The following WFS1 variants were observed in gnomAD, a reference collection of about 807,000 sequenced individuals.
WFS1 encodes wolframin ER transmembrane glycoprotein, also known as wolframin.
In WFS1, 90 loss-of-function variants were observed where a neutral mutation model predicts 68.5. That is an observed-to-expected ratio of 1.31 (90% CI 1.11 to 1.56). WFS1 has a LOEUF of 1.56. WFS1 is among the 40% of genes most tolerant of loss of function. WFS1 has a pLI of 0.00. For synonymous variants in WFS1, 860 were observed against 540.7 expected (o/e 1.59, Z -8.19); for missense variants, 1,767 against 1,232.6 (o/e 1.43, Z -6.49).
intron 1 of WFS1, among the ~76,000 whole-genome samples, chr4:6,271,544 C>A (rs2109104147): frequency 6.6e-6 from 1 of 152,244 alleles, no homozygotes; most frequent in East Asian, 1.9e-4. Flanking sequence ...GAGCTTTATG[C>A]CTACACGGCT....
intron 1 of WFS1, among the ~76,000 whole-genome samples, chr4:6,272,727 C>G (rs1186359039): frequency 6.6e-6 from 1 of 152,204 alleles, no homozygotes; most frequent in Non-Finnish European, 1.5e-5. Flanking sequence ...CCAGAGACAA[C>G]AAGTATCTTT....
chr4:6,278,048 A>C (rs900020812), intron 2 of WFS1, among the ~76,000 whole-genome samples: 12 of 152,338 alleles, frequency 7.9e-5, no homozygotes, highest in Middle Eastern at 6.8e-3. Flanking sequence ...GGTGACAGCC[A>C]CACTCTCGGG....
At chr4:6,276,989 G>C (rs925424877) in intron 1 of WFS1, among the ~76,000 whole-genome samples, 1 of 152,240 alleles carries the variant, frequency 6.6e-6, no homozygotes, top group African/African-American at 2.4e-5. Flanking sequence ...CTCATTTCAA[G>C]ATCCTTAAAT....
intron 1 of WFS1, among the ~76,000 whole-genome samples, chr4:6,273,619 T>A (rs1314307256): frequency 6.6e-6 from 1 of 152,196 alleles, no homozygotes; most frequent in Non-Finnish European, 1.5e-5. Flanking sequence ...AGGCAGCCGG[T>A]CTTCCGAGTG....
At position 6,283,548 on chromosome 4, in the gene WFS1, A is replaced by G. The variant is rs1730223249; in HGVS notation, c.233-3545A>G. On this transcript the variant is annotated intron_variant, in intron 2 of 7. Transcript: ENST00000226760. The surrounding 1 kb of genome is among the most constrained non-coding windows in gnomAD (Gnocchi z 5.0). ...TGCTTTCCTGTGCTGCCTGTGTCTC[A>G]GGGGCTCTGCCCACAGGGTGACCTT... Among the ~76,000 whole-genome samples, 1 of 152,178 alleles carries G rather than the reference A, an allele frequency of 6.6e-6. No homozygotes were observed. The highest frequency in any genetic ancestry group is 2.1e-4 in the South Asian group (1 of 4,824).
chr4:6,274,826 A>G (rs996704401), intron 1 of WFS1, among the ~76,000 whole-genome samples: 4 of 52,762 alleles, frequency 7.6e-5, no homozygotes, highest in African/African-American at 1.9e-4. Context: ...GAGAGGGTGC[A>G]GTGGCATGGC....
intron 7 of WFS1, 44 bp from the exon 8 acceptor site, chr4:6,300,613 G>C (rs779743100): frequency 2.5e-6 from 4 of 1,612,932 alleles, no homozygotes; most frequent in Non-Finnish European, 3.4e-6. Context: ...GGAGCAGTGG[G>C]GGTCCTGTCC....
intron 1 of WFS1, among the ~76,000 whole-genome samples, chr4:6,270,260 C>T (rs565992751): frequency 7.1e-4 from 107 of 151,630 alleles, no homozygotes; most frequent in African/African-American, 2.5e-3. Flanking sequence ...GCCCCGGTCC[C>T]CCGCGCGCTG....
rs370243565 is a variant in WFS1 at position 6,301,124 on chromosome 4, C to T, written c.1329C>T (p.Ser443=). The T allele has an allele frequency of 2.5e-6, 4 of 1,613,490 alleles. No individual in the cohort carries two copies. The highest frequency in any genetic ancestry group is 1.3e-5 in the African/African-American group (1 of 74,930). Residue 443 remains serine (S), a synonymous_variant, in exon 8 of 8, where the codon AGC becomes AGT. Coordinates refer to ENST00000226760, the MANE Select transcript of WFS1 (RefSeq NM_006005.3). ...AVITGFFTVT[S]YLSLSTHAEP... is the part of the protein sequence containing the mutation. Reference sequence around the variant, plus strand: ...TCACCGGCTTCTTTACCGTGACCAGCTACCTGAGCCTGAGCACCCATGCAG... The same window carrying T: ...TCACCGGCTTCTTTACCGTGACCAGTTACCTGAGCCTGAGCACCCATGCAG...
intron 2 of WFS1, among the ~76,000 whole-genome samples, chr4:6,280,345 G>A (rs1459715650): frequency 2.0e-5 from 3 of 152,244 alleles, no homozygotes; most frequent in Non-Finnish European, 1.5e-5. Context: ...ACAGGCAGCT[G>A]TGGTGAGTCC....
chr4:6,273,350 G>T lies in WFS1; in HGVS notation c.-6+3336G>T, dbSNP rs373752433. Reference sequence around the variant, plus strand: ...TGAGGAAAGAATGCTAGCAACTTTGGTTTTGTGGATCTTACACAGTGACGG... The same window carrying T: ...TGAGGAAAGAATGCTAGCAACTTTGTTTTTGTGGATCTTACACAGTGACGG... On this transcript the variant is annotated intron_variant, in intron 1 of 7. Transcript: ENST00000226760. Among the ~76,000 whole-genome samples, 199 of 152,370 alleles carry T rather than the reference G, an allele frequency of 1.3e-3. 6 individuals carry two copies. The South Asian group carries it at 0.038, about 29-fold the overall frequency.
chr4:6,299,868 G>T (rs1453042516), intron 7 of WFS1, among the ~76,000 whole-genome samples: 1 of 127,210 alleles, frequency 7.9e-6, no homozygotes, highest in Non-Finnish European at 1.6e-5. Context: ...CGTGTGTGTA[G>T]GGGTGGGCTG....
In WFS1 at chr4:6,302,318, G is replaced by A; in HGVS notation, c.2523G>A (p.Glu841=). 1 of 1,611,986 alleles carries A rather than the reference G, an allele frequency of 6.2e-7. No homozygotes were observed. The highest frequency in any genetic ancestry group is 8.5e-7 in the Non-Finnish European group (1 of 1,179,688). Residue 841 remains glutamate (E), a synonymous_variant, in exon 8 of 8, where the codon GAG becomes GAA. Coordinates refer to ENST00000226760, the MANE Select transcript of WFS1 (RefSeq NM_006005.3). ...GRLGSKWPVF[E]LKAISCLNCM... ...TGGGCAGCAAGTGGCCTGTCTTCGA[G>A]CTCAAGGCCATCAGCTGCCTCAACT...
intron 1 of WFS1, among the ~76,000 whole-genome samples, 170 bp from the exon 2 acceptor site, chr4:6,277,281 C>G (rs1730021858): frequency 6.6e-6 from 1 of 152,264 alleles, no homozygotes; most frequent in Non-Finnish European, 1.5e-5. Flanking sequence ...GGTTTCCTCC[C>G]TGGAAGCGGT....
chr4:6,296,297 G>C (rs924910042), intron 7 of WFS1, among the ~76,000 whole-genome samples: 3 of 152,232 alleles, frequency 2.0e-5, no homozygotes, highest in African/African-American at 7.2e-5. Flanking sequence ...CCCTGCTGCA[G>C]GGACTCGGAG....
Position 6,295,198 on chromosome 4 carries a change from C to T in WFS1, c.861+9C>T. The T allele has an allele frequency of 6.2e-7, 1 of 1,611,204 alleles. No homozygotes were observed. Among genetic ancestry groups the T allele is most frequent in the Non-Finnish European group, 8.5e-7 (1 of 1,180,036 alleles). ...TGCCACTGCGTCTGAAGGTGAGTGA[C>T]CAAGACCCCGGTCAGGCCGGAGCCT... On this transcript the variant is annotated intron_variant, in intron 7 of 7. Transcript: ENST00000226760.
In WFS1 at chr4:6,301,025, C is replaced by T. The variant is rs1005853401; in HGVS notation, c.1230C>T (p.Leu410=). 10 of 1,614,098 alleles carry T rather than the reference C, an allele frequency of 6.2e-6. No homozygotes were observed. The highest frequency in any genetic ancestry group is 5.0e-5 in the Admixed American group (3 of 60,016). Residue 410 remains leucine (L), a synonymous_variant, in exon 8 of 8, where the codon CTC becomes CTT. Coordinates refer to ENST00000226760, the MANE Select transcript of WFS1 (RefSeq NM_006005.3). The part of the protein sequence containing the change: ...NHLEPYAHFL[L]SVFFVIFSFP... Reference sequence around the variant, plus strand: ...TGGAGCCCTATGCCCATTTCCTGCTCTCTGTCTTCTTCGTCATCTTCTCCT... The same window carrying T: ...TGGAGCCCTATGCCCATTTCCTGCTTTCTGTCTTCTTCGTCATCTTCTCCT...
At chr4:6,300,106 C>T (rs577045070) in intron 7 of WFS1, among the ~76,000 whole-genome samples, 2 of 152,202 alleles carry the variant, frequency 1.3e-5, no homozygotes, top group East Asian at 1.9e-4. Context: ...GGCCCTCTGC[C>T]TGTGTCTGCA....
Position 6,301,456 on chromosome 4 carries a change from TG to T in WFS1, c.1665del (p.Leu556CysfsTer69). ...GTCATCCTGCTGGAGTCCACCGGCC[TG>T]GGGCTGCTCCGCGCCTCCATCGGCT... ...SVVILLESTGLGLLRASIGYF... is the reference protein window; with the variant it reads ...SVVILLESTGXGLLRASIGYF... On this transcript the variant is annotated frameshift_variant, in exon 8 of 8. Coordinates refer to ENST00000226760, the MANE Select transcript of WFS1 (RefSeq NM_006005.3). LOFTEE classifies it high-confidence loss of function. The T allele has an allele frequency of 6.2e-7, 1 of 1,612,686 alleles. No homozygotes were observed.
Sources: allele counts gnomAD v4.1 joint callset (sites outside exome capture counted in the v4.1 genomes callset), GRCh38; gene constraint gnomAD v4.1.1; non-coding constraint Gnocchi (gnomAD v3.1); transcripts MANE v1.5; gene names NCBI Gene and HGNC (gene_info 2026-07-23, HGNC 2026-07-21).